The following LIN7A variants were observed in gnomAD, a reference collection of about 807,000 sequenced individuals.
LIN7A encodes the protein lin-7 cell polarity scaffold A, also known as protein lin-7 homolog A.
A neutral mutation model predicts 29.8 loss-of-function variants in LIN7A; 25 were observed. That is an observed-to-expected ratio of 0.84 (90% CI 0.61 to 1.17). The LOEUF (loss-of-function observed/expected upper bound fraction) is 1.17. LIN7A is among the 50% of genes most tolerant of loss of function. LIN7A has a pLI of 0.00. For missense variants in LIN7A, 239 were observed against 287.0 expected (o/e 0.83, Z 1.21); for synonymous variants, 118 against 107.5 (o/e 1.10, Z -0.60).
At chr12:80,846,244 A>G (rs1873071302) in intron 3 of LIN7A, among the ~76,000 whole-genome samples, 1 of 152,144 alleles carries the variant, frequency 6.6e-6, no homozygotes, top group South Asian at 2.1e-4. Flanking sequence ...CTATTCCTGG[A>G]GTCCAAATAA....
intron 2 of LIN7A, among the ~76,000 whole-genome samples, chr12:80,887,026 C>T (rs145583684): frequency 1.0e-3 from 158 of 152,134 alleles, no homozygotes; most frequent in African/African-American, 3.5e-3. Flanking sequence ...TTACTATGTC[C>T]GTAACAGAGC....
intron 1 of LIN7A, among the ~76,000 whole-genome samples, chr12:80,907,592 A>T (rs1192808077): frequency 1.3e-5 from 2 of 152,106 alleles, no homozygotes; most frequent in Non-Finnish European, 2.9e-5. Flanking sequence ...GGCTCTAAAG[A>T]ATAAATGCTC....
chr12:80,844,417 CAA>C (rs908269739), intron 4 of LIN7A, among the ~76,000 whole-genome samples: 4 of 152,048 alleles, frequency 2.6e-5, no homozygotes, highest in African/African-American at 9.7e-5. Context: ...AAATAAGAAA[CAA>C]ATGAATAAAA....
chr12:80,937,895 C>T lies in LIN7A; in HGVS notation c.-173G>A, dbSNP rs2121000441. 1 of 476,760 alleles carries T rather than the reference C, an allele frequency of 2.1e-6. No homozygotes were observed. The highest frequency in any genetic ancestry group is 3.5e-5 in the East Asian group (1 of 28,782). 29.5% of individuals were successfully genotyped at this position (476,760 alleles called of 1,614,324 possible). A position where few individuals can be genotyped will look rare whatever the true frequency, so the allele number is the denominator to read the frequency against. ...CAACTGTTCCGCGGCGGCAGATCTT[C>T]AGTTGCGGTGCGGAGCTGAGCAGGT... On this transcript the variant is annotated 5_prime_UTR_variant, in exon 1 of 6. Coordinates refer to ENST00000552864, the MANE Select transcript of LIN7A (RefSeq NM_004664.4).
intron 1 of LIN7A, among the ~76,000 whole-genome samples, chr12:80,926,144 T>G (rs1259063256): frequency 6.6e-6 from 1 of 152,216 alleles, no homozygotes; most frequent in Admixed American, 6.5e-5. Flanking sequence ...TTCTCTGCAC[T>G]TTGCTCTCTG....
chr12:80,824,772 C>T (rs1322463712), intron 4 of LIN7A, among the ~76,000 whole-genome samples: 1 of 152,172 alleles, frequency 6.6e-6, no homozygotes, highest in Non-Finnish European at 1.5e-5. Flanking sequence ...ATCACATGAT[C>T]ATCTCAATAG....
At chr12:80,919,115 T>TG (rs889184694) in intron 1 of LIN7A, among the ~76,000 whole-genome samples, 1 of 152,224 alleles carries the variant, frequency 6.6e-6, no homozygotes, top group African/African-American at 2.4e-5. Context: ...TCTCATAGAA[T>TG]GTATTTCCAT....
chr12:80,807,238 A>AT (rs1168271615), intron 5 of LIN7A, among the ~76,000 whole-genome samples: 2 of 151,686 alleles, frequency 1.3e-5, no homozygotes, highest in East Asian at 1.9e-4. Flanking sequence ...CGCCCAGCTA[A>AT]TTTTTTTATT....
At chr12:80,798,946 T>C (rs1870588735) in intron 5 of LIN7A, among the ~76,000 whole-genome samples, 1 of 152,238 alleles carries the variant, frequency 6.6e-6, no homozygotes, top group East Asian at 1.9e-4. Context: ...TGAGCCAGTC[T>C]GGTCTCAAAC....
At chr12:80,860,186 T>C (rs1873792714) in intron 2 of LIN7A, among the ~76,000 whole-genome samples, 1 of 152,210 alleles carries the variant, frequency 6.6e-6, no homozygotes, top group African/African-American at 2.4e-5. Flanking sequence ...CCAGTGTTGA[T>C]AGATATTGGT....
At chr12:80,855,094 A>T (rs1225478358) in intron 2 of LIN7A, among the ~76,000 whole-genome samples, 1 of 152,088 alleles carries the variant, frequency 6.6e-6, no homozygotes, top group African/African-American at 2.4e-5. Context: ...TACAATTAGC[A>T]TCATATAAAC....
chr12:80,827,882 T>G (rs768512547), intron 4 of LIN7A, among the ~76,000 whole-genome samples: 11 of 152,158 alleles, frequency 7.2e-5, no homozygotes, highest in South Asian at 2.1e-4. Flanking sequence ...TTATGTCTAA[T>G]ACTCTCCCCA....
chr12:80,884,818 G>C lies in LIN7A; in HGVS notation c.201+4433C>G, dbSNP rs1239105202. On this transcript the variant is annotated intron_variant, in intron 2 of 5. Transcript: ENST00000552864. ...AAAGAAGGCAGTTCTTGGTGATTAT[G>C]ACATTGTGTTCTGCGTTTTTGCTTC... 2.6e-5 allele frequency among the ~76,000 whole-genome samples: 4 copies of C among 152,248 alleles called. No individual in the cohort carries two copies. In the East Asian group the frequency reaches 7.7e-4, roughly 29 times the overall value.
At chr12:80,933,937 G>T (rs187386489) in intron 1 of LIN7A, among the ~76,000 whole-genome samples, 29 of 152,202 alleles carry the variant, frequency 1.9e-4, no homozygotes, top group Admixed American at 1.2e-3. Flanking sequence ...AATGCCATTA[G>T]ATTTTATTTA....
chr12:80,916,589 G>A lies in LIN7A; in HGVS notation c.82+21052C>T, dbSNP rs143143480. On this transcript the variant is annotated intron_variant, in intron 1 of 5. Transcript: ENST00000552864. ...CTTCCTGAGAGTTGAGACTGTGTCT[G>A]TTGTATTCACTGCTGCAGTCCCAAA... Among the ~76,000 whole-genome samples the A allele has an allele frequency of 5.1e-3, 779 of 152,218 alleles. 3 individuals carry two copies. The highest frequency in any genetic ancestry group is 0.02 in the Middle Eastern group (6 of 294).
intron 1 of LIN7A, among the ~76,000 whole-genome samples, chr12:80,899,512 A>T (rs1050298898): frequency 4.0e-4 from 61 of 151,990 alleles, no homozygotes; most frequent in Non-Finnish European, 1.3e-4. Flanking sequence ...TGAGTTAGGG[A>T]GGAGTCCCTC....
chr12:80,872,191 C>T (rs1202432099), intron 2 of LIN7A, among the ~76,000 whole-genome samples: 1 of 152,026 alleles, frequency 6.6e-6, no homozygotes, highest in Non-Finnish European at 1.5e-5. Context: ...TAAGTCAACT[C>T]TTTATTACCC....
intron 1 of LIN7A, among the ~76,000 whole-genome samples, chr12:80,934,060 C>T (rs1275836788): frequency 6.6e-6 from 1 of 152,074 alleles, no homozygotes; most frequent in Admixed American, 6.5e-5. Flanking sequence ...TCCATCTCTC[C>T]CATTAGACTC....
chr12:80,863,013 G>A (rs1873952130), intron 2 of LIN7A, among the ~76,000 whole-genome samples: 1 of 152,202 alleles, frequency 6.6e-6, no homozygotes, highest in Non-Finnish European at 1.5e-5. Flanking sequence ...TTACATTCAA[G>A]TTATGGTAAA....
Sources: allele counts gnomAD v4.1 joint callset (sites outside exome capture counted in the v4.1 genomes callset), GRCh38; gene constraint gnomAD v4.1.1; transcripts MANE v1.5; gene names NCBI Gene and HGNC (gene_info 2026-07-23, HGNC 2026-07-21).